IQSEC2: variants seen among roughly 807,000 people sequenced by gnomAD.
IQSEC2 encodes IQ motif and Sec7 domain ArfGEF 2.
In IQSEC2, 6 loss-of-function variants were observed where a neutral mutation model predicts 74.6. That is an observed-to-expected ratio of 0.08 (90% CI 0.04 to 0.16). The LOEUF is 0.16. Ranked by LOEUF, IQSEC2 falls within the 10% of genes least tolerant of loss-of-function variation. The pLI is 1.00. For missense variants in IQSEC2, 734 were observed against 1,306.2 expected (o/e 0.56, Z 6.75); for synonymous variants, 494 against 544.5 (o/e 0.91, Z 1.29).
At chrX:53,257,764 A>G (rs2074499618) in intron 2 of IQSEC2, among the ~76,000 whole-genome samples, 1 of 112,265 alleles carries the variant, frequency 8.9e-6, no homozygotes, top group African/African-American at 3.2e-5. Context: ...ACATTTAGGT[A>G]CCATTCTTAC....
In IQSEC2 at chrX:53,250,259, C is replaced by G; in HGVS notation, c.2297+20G>C. On this transcript the variant is annotated intron_variant, in intron 5 of 14. Transcript: ENST00000642864. ...GGCAGGGTAGGAAGGGGTAAGCAGG[C>G]TAGAACGGGGAGCACGCACTTGTTG... 1 of 1,209,670 alleles carries G rather than the reference C, an allele frequency of 8.3e-7. No homozygotes were observed. The highest frequency in any genetic ancestry group is 1.1e-6 in the Non-Finnish European group (1 of 894,706).
intron 8 of IQSEC2, among the ~76,000 whole-genome samples, chrX:53,246,244 C>G (rs2074306960): frequency 8.9e-6 from 1 of 112,148 alleles, no homozygotes; most frequent in South Asian, 3.7e-4. Flanking sequence ...TCCTCTATCT[C>G]TATTGTGTCA....
chrX:53,266,500 C>T (rs1345308793), intron 2 of IQSEC2: 28 of 755,171 alleles, frequency 3.7e-5, no homozygotes, highest in South Asian at 2.0e-4. Context: ...AGGGAACAAA[C>T]GACAGGGAAC....
chrX:53,263,863 G>A (rs1244601566), intron 2 of IQSEC2, among the ~76,000 whole-genome samples: 1 of 112,200 alleles, frequency 8.9e-6, no homozygotes, highest in Non-Finnish European at 1.9e-5. Context: ...CCACACCCCC[G>A]TCCTGTTTCC....
downstream of IQSEC2, chrX:53,226,438 C>A (rs2074038445): frequency 8.9e-6 from 1 of 112,334 alleles, no homozygotes; most frequent in Non-Finnish European, 1.9e-5. Context: ...GACCATGTGG[C>A]CTTATACATC....
intron 2 of IQSEC2, among the ~76,000 whole-genome samples, chrX:53,280,017 A>G (rs1556870491): frequency 9.1e-6 from 1 of 109,355 alleles, no homozygotes; most frequent in Non-Finnish European, 1.9e-5. Context: ...CGAACCACAT[A>G]CAGAACACAA....
chrX:53,280,628 G>A (rs183743684), intron 2 of IQSEC2, among the ~76,000 whole-genome samples: 24 of 110,332 alleles, frequency 2.2e-4, no homozygotes, highest in Non-Finnish European at 4.0e-4. Context: ...ACCCCAAGGC[G>A]GGGCCCACAC....
At chrX:53,293,558 T>C (rs1193184775) in intron 1 of IQSEC2, among the ~76,000 whole-genome samples, 2 of 112,075 alleles carry the variant, frequency 1.8e-5, no homozygotes, top group African/African-American at 3.2e-5. Context: ...CTGAGGGGCC[T>C]GACTTCAATG....
At chrX:53,297,999 G>A (rs1486722191) in intron 1 of IQSEC2, among the ~76,000 whole-genome samples, 4 of 111,508 alleles carry the variant, frequency 3.6e-5, no homozygotes, top group Non-Finnish European at 7.5e-5. Flanking sequence ...ACGCAGTGGC[G>A]AACACCTGTA....
At chrX:53,274,452 C>CTTT (rs66510453) in intron 2 of IQSEC2, among the ~76,000 whole-genome samples, 1,212 of 47,109 alleles carry the variant, frequency 0.026, 398 homozygotes, top group Middle Eastern at 0.056. Flanking sequence ...AGTTACATTT[C>CTTT]TTTTTTTTTT....
intron 10 of IQSEC2, 34 bp from the exon 11 acceptor site, chrX:53,239,328 C>G: frequency 1.1e-6 from 1 of 936,864 alleles, no homozygotes; most frequent in Non-Finnish European, 1.5e-6. Context: ...CAAGAGGCAG[C>G]GCTTTGGGTG....
rs782029247 is a variant in IQSEC2, at chrX:53,234,987, TGAAGAG to T, written c.3693_3698del (p.Ser1233_Ser1234del). The stretch of plus-strand genomic sequence containing the variant: ...GGTGGTGGTGCGTGGAAGAAGCAGA[TGAAGAG>T]GAGGCAGAGGCCTGGCCTGTTGGCG... On this transcript the variant is annotated inframe_deletion, in exon 15 of 15. Coordinates refer to ENST00000642864, the MANE Select transcript of IQSEC2 (RefSeq NM_001111125.3). 3.4e-6 allele frequency: 4 copies of T among 1,165,024 alleles called. No individual in the cohort carries two copies. The highest frequency in any genetic ancestry group is 4.6e-6 in the Non-Finnish European group (4 of 872,398).
intron 2 of IQSEC2, among the ~76,000 whole-genome samples, chrX:53,271,102 C>A (rs1341430951): frequency 9.0e-6 from 1 of 111,507 alleles, no homozygotes; most frequent in East Asian, 2.8e-4. Context: ...TTGAGGTAAG[C>A]CTGACCTCTG....
intron 5 of IQSEC2, 130 bp downstream of exon 5, chrX:53,250,149 G>A: frequency 1.3e-6 from 1 of 782,704 alleles, no homozygotes; most frequent in Non-Finnish European, 1.9e-6. Flanking sequence ...TGAATGTCTG[G>A]GGAGAAATAC....
intron 1 of IQSEC2, among the ~76,000 whole-genome samples, chrX:53,318,941 G>C (rs986805363): frequency 1.8e-5 from 2 of 112,884 alleles, no homozygotes; most frequent in Non-Finnish European, 3.8e-5. Flanking sequence ...GACTGAGCTC[G>C]CAGCAGCCCT....
chrX:53,281,838 C>G (rs2074970467), intron 2 of IQSEC2, among the ~76,000 whole-genome samples: 1 of 111,975 alleles, frequency 8.9e-6, no homozygotes, highest in Non-Finnish European at 1.9e-5. Context: ...ATCGCTGGCT[C>G]TATTCTCCTG....
chrX:53,260,937 G>A (rs2074559078), intron 2 of IQSEC2, among the ~76,000 whole-genome samples: 1 of 110,968 alleles, frequency 9.0e-6, no homozygotes, highest in Non-Finnish European at 1.9e-5. Context: ...CCTCACTCCC[G>A]GCTCCGTGCT....
intron 2 of IQSEC2, among the ~76,000 whole-genome samples, chrX:53,285,302 A>AGTG (rs1456363361): frequency 8.9e-6 from 1 of 112,756 alleles, no homozygotes; most frequent in African/African-American, 3.2e-5. Context: ...CTGACCAGAC[A>AGTG]GTGGGCTTCA....
At chrX:53,245,377 C>A (rs58497577) in intron 8 of IQSEC2, among the ~76,000 whole-genome samples, 3 of 105,648 alleles carry the variant, frequency 2.8e-5, no homozygotes, top group African/African-American at 1.0e-4. Context: ...GCAGTGAGCT[C>A]TGCTAGCACC....
Sources: gnomAD v4.1 joint callset for allele counts (sites outside exome capture counted in the v4.1 genomes callset) on GRCh38, gnomAD v4.1.1 for gene constraint, MANE v1.5 for transcripts, NCBI Gene and HGNC (gene_info 2026-07-23, HGNC 2026-07-21) for gene names.